Variants in TBL1X observed in about 807,000 individuals in gnomAD.
TBL1X encodes F-box-like/WD repeat-containing protein TBL1X.
In TBL1X, 10 loss-of-function variants were observed where a neutral mutation model predicts 50.7. The ratio of observed to expected loss-of-function variants is 0.20; its 90% CI spans 0.12 to 0.33. TBL1X has a LOEUF of 0.33. TBL1X is among the 10% of genes least tolerant of loss of function. TBL1X has a pLI of 1.00. For synonymous variants in TBL1X, 190 were observed against 214.7 expected, an observed-to-expected ratio of 0.88 and a Z score of 1.01; for missense variants, 340 against 504.4, an observed-to-expected ratio of 0.67 and a Z score of 3.12.
intron 1 of TBL1X, among the ~76,000 whole-genome samples, chrX:9,470,624 A>C (rs2081808481): frequency 9.0e-6 from 1 of 111,348 alleles, no homozygotes; most frequent in Non-Finnish European, 1.9e-5. Flanking sequence ...GACATTTTCT[A>C]ATGTCGTGTT....
chrX:9,550,445 G>C (rs754821721), intron 2 of TBL1X, among the ~76,000 whole-genome samples: 19 of 112,247 alleles, frequency 1.7e-4, no homozygotes, highest in Non-Finnish European at 3.2e-4. Flanking sequence ...ATACAGGGCT[G>C]TCTCCGGAGT....
At chrX:9,659,209 A>C (rs753479711) in intron 5 of TBL1X, among the ~76,000 whole-genome samples, 1 of 112,363 alleles carries the variant, frequency 8.9e-6, no homozygotes, top group South Asian at 3.7e-4. Context: ...GAGCATAGTC[A>C]ACACACAGGA....
intron 2 of TBL1X, among the ~76,000 whole-genome samples, chrX:9,613,016 A>G (rs2082621093): frequency 9.1e-6 from 1 of 109,743 alleles, no homozygotes; most frequent in African/African-American, 3.3e-5. Context: ...TCTCCTTAAA[A>G]AAATAAATGT....
intron 17 of TBL1X, among the ~76,000 whole-genome samples, chrX:9,715,635 C>T (rs1242555945): frequency 1.8e-5 from 2 of 112,277 alleles, no homozygotes; most frequent in East Asian, 2.8e-4. Flanking sequence ...CATTATGTGA[C>T]GCGTGACTGT....
intron 3 of TBL1X, among the ~76,000 whole-genome samples, chrX:9,646,262 C>A (rs2082804066): frequency 1.8e-5 from 2 of 112,074 alleles, no homozygotes; most frequent in South Asian, 7.4e-4. Context: ...GAGATTGTTT[C>A]GAGAACCACA....
At chrX:9,529,708 C>T (rs1304449716) in intron 2 of TBL1X, among the ~76,000 whole-genome samples, 6 of 107,012 alleles carry the variant, frequency 5.6e-5, no homozygotes, top group Non-Finnish European at 1.2e-4. Flanking sequence ...TGTGGAATGC[C>T]AAGGTGGAAG....
chrX:9,543,538 A>G (rs779691012), intron 2 of TBL1X, among the ~76,000 whole-genome samples: 38 of 105,680 alleles, frequency 3.6e-4, no homozygotes, highest in African/African-American at 1.1e-3. Context: ...ATGGGAGGCC[A>G]GGAGAAAGAG....
chrX:9,609,339 GTGTGTGT>G lies in TBL1X; in HGVS notation c.-130-30933_-130-30927del, dbSNP rs1569074368. 7.0e-5 allele frequency among the ~76,000 whole-genome samples: 7 copies of G among 99,912 alleles called. No individual in the cohort carries two copies. In the South Asian group the frequency reaches 1.5e-3, roughly 21 times the overall value. 86.8% of individuals were successfully genotyped at this position (99,912 alleles called of 115,157 possible). A position where few individuals can be genotyped will look rare whatever the true frequency, so the allele number is the denominator to read the frequency against. On this transcript the variant is annotated intron_variant, in intron 2 of 17. Transcript: ENST00000645353. ...TTTGGTGGTGTGTTTTCTTCCAGGTGTGTGTGTGTGTGTGTGTGTGTGTGTGTGTGTG... is the reference window on the plus strand; with the variant it reads ...TTTGGTGGTGTGTTTTCTTCCAGGTGGTGTGTGTGTGTGTGTGTGTGTGTG...
chrX:9,500,272 G>A (rs189117695), intron 1 of TBL1X, among the ~76,000 whole-genome samples: 661 of 56,121 alleles, frequency 0.012, 8 homozygotes, highest in African/African-American at 0.045. Flanking sequence ...GGAAGACCCT[G>A]TCTCAAAAAA....
chrX:9,715,448 T>C (rs1401798482), intron 17 of TBL1X, among the ~76,000 whole-genome samples: 2 of 111,730 alleles, frequency 1.8e-5, no homozygotes, highest in East Asian at 2.8e-4. Flanking sequence ...AGCCTATTGC[T>C]CCCAGGCTAC....
At chrX:9,539,403 A>G (rs190455637) in intron 2 of TBL1X, among the ~76,000 whole-genome samples, 166 of 111,558 alleles carry the variant, frequency 1.5e-3, no homozygotes, top group African/African-American at 4.9e-3. Flanking sequence ...TGTGAGGTCA[A>G]TGAGATTACA....
At chrX:9,712,083 G>A (rs904890932) in intron 16 of TBL1X, among the ~76,000 whole-genome samples, 1 of 112,415 alleles carries the variant, frequency 8.9e-6, no homozygotes. Context: ...GCTGTCTTCT[G>A]TTCACTTTTC....
chrX:9,534,367 A>G (rs1044361282), intron 2 of TBL1X, among the ~76,000 whole-genome samples: 7 of 111,069 alleles, frequency 6.3e-5, no homozygotes, highest in African/African-American at 2.3e-4. Flanking sequence ...GTGGCCACGT[A>G]TTATTCGTAT....
chrX:9,532,517 C>T (rs1340693062), intron 2 of TBL1X, among the ~76,000 whole-genome samples: 1 of 111,460 alleles, frequency 9.0e-6, no homozygotes, highest in Non-Finnish European at 1.9e-5. Flanking sequence ...AGCATTCCCA[C>T]GCCTCCCACG....
chrX:9,488,975 C>T (rs950320091), intron 1 of TBL1X, among the ~76,000 whole-genome samples: 2 of 111,170 alleles, frequency 1.8e-5, no homozygotes, highest in African/African-American at 3.3e-5. Flanking sequence ...TTTGAGCCAC[C>T]ATGCTTGCCC....
rs144119117 is a variant in TBL1X, at chrX:9,538,557, G to A, written c.-131+36708G>A. On this transcript the variant is annotated intron_variant, in intron 2 of 17. Transcript: ENST00000645353. ...CCTCTGCTGAAACTTTAGACTGTAC[G>A]TCCTTCAGATATCTTCTCTTTGGTG... 1.2e-3 allele frequency among the ~76,000 whole-genome samples: 135 copies of A among 112,431 alleles called. 1 individual carries two copies. Among genetic ancestry groups the A allele is most frequent in the African/African-American group, 4.1e-3 (128 of 31,000 alleles).
At chrX:9,715,065 G>A (rs925049055) in intron 17 of TBL1X, 62 bp downstream of exon 17, 6 of 1,053,564 alleles carry the variant, frequency 5.7e-6, no homozygotes, top group Non-Finnish European at 6.5e-6. Flanking sequence ...GCCTAAGTGA[G>A]CTTCCAGGGC....
chrX:9,508,567 C>T (rs1393927648), intron 2 of TBL1X, among the ~76,000 whole-genome samples: 2 of 111,968 alleles, frequency 1.8e-5, no homozygotes, highest in Non-Finnish European at 3.8e-5. Flanking sequence ...TACCATTTGA[C>T]CCAGTAATCC....
chrX:9,647,133 C>T (rs1255055075), intron 3 of TBL1X, among the ~76,000 whole-genome samples: 3 of 111,595 alleles, frequency 2.7e-5, no homozygotes, highest in South Asian at 3.8e-4. Flanking sequence ...CTCCTGGGAC[C>T]GAATGCTGAA....
Sources: allele counts gnomAD v4.1 joint callset (sites outside exome capture counted in the v4.1 genomes callset), GRCh38; gene constraint gnomAD v4.1.1; transcripts MANE v1.5; gene names NCBI Gene and HGNC (gene_info 2026-07-23, HGNC 2026-07-21).